The following ZNF664 variants were observed in gnomAD, a reference collection of about 807,000 sequenced individuals.
ZNF664 encodes the protein zinc finger protein 664.
Under a neutral mutation model 18.2 loss-of-function variants are expected in ZNF664, and 10 were observed. That is an observed-to-expected ratio of 0.55 (90% CI 0.34 to 0.93). The LOEUF (loss-of-function observed/expected upper bound fraction) is 0.93. ZNF664 is among the 40% of genes least tolerant of loss of function. The pLI, the probability that ZNF664 is intolerant of heterozygous loss-of-function variation, is 0.02. For synonymous variants in ZNF664, 119 were observed against 104.2 expected (o/e 1.14, Z -0.86); for missense variants, 193 against 319.0 (o/e 0.61, Z 3.01).
At chr12:123,989,369 C>T (rs777636733) in intron 3 of ZNF664, 1 of 152,390 alleles carries the variant, frequency 6.6e-6, no homozygotes, top group Admixed American at 6.5e-5. Context: ...AATGTTCTCT[C>T]TTCTCTCTCT....
chr12:124,007,434 A>G (rs1957085645), intron 3 of ZNF664, among the ~76,000 whole-genome samples: 1 of 152,200 alleles, frequency 6.6e-6, no homozygotes. Context: ...GCCAGGCAAA[A>G]GAGCAGAGCG....
intron 3 of ZNF664, among the ~76,000 whole-genome samples, chr12:124,008,502 G>A (rs1957098874): frequency 6.6e-6 from 1 of 152,208 alleles, no homozygotes; most frequent in South Asian, 2.1e-4. Context: ...TTTGAATCAG[G>A]TGTTTGATGA....
chr12:123,990,874 C>G (rs907314331), intron 3 of ZNF664, among the ~76,000 whole-genome samples: 2 of 152,154 alleles, frequency 1.3e-5, no homozygotes, highest in Admixed American at 6.5e-5. Context: ...CTAATTGTAT[C>G]CTGAGGAAAT....
At chr12:123,987,137 A>T (rs1956834674) in intron 2 of ZNF664, among the ~76,000 whole-genome samples, 1 of 152,228 alleles carries the variant, frequency 6.6e-6, no homozygotes, top group South Asian at 2.1e-4. Flanking sequence ...CATGCCTTTC[A>T]CATAATCCTT....
At position 123,979,019 on chromosome 12, in the gene ZNF664, A is replaced by G. The variant is rs146926697; in HGVS notation, c.-757+4999A>G. On this transcript the variant is annotated intron_variant, in intron 2 of 4. Transcript: ENST00000337815. ...ATTAAGGAACTAACTAAAAAAACCT[A>G]TAAAAGCATTAGAAGGAAATATAAG... Among the ~76,000 whole-genome samples the G allele has an allele frequency of 1.9e-3, 294 of 152,326 alleles. 5 individuals are homozygous for G. The South Asian group carries it at 0.024, about 12-fold the overall frequency.
chr12:124,008,523 C>T (rs1383911243), intron 3 of ZNF664, among the ~76,000 whole-genome samples: 57 of 152,292 alleles, frequency 3.7e-4, no homozygotes. Context: ...GGAGAATGCA[C>T]ATATTAGCTG....
rs1430039941 is a variant in ZNF664, at chr12:124,015,294, G to A, written c.*2364G>A. The stretch of plus-strand genomic sequence containing the variant: ...TGAATTATTTTATCATGCTGTTGCT[G>A]GGGAATATGACTAACCCTTTTGAAG... On this transcript the variant is annotated 3_prime_UTR_variant, in exon 5 of 5. Transcript: ENST00000337815. 6.0e-6 allele frequency: 1 copy of A among 167,006 alleles called. No individual in the cohort carries two copies. Among genetic ancestry groups the A allele is most frequent in the East Asian group, 1.9e-4 (1 of 5,206 alleles). 10.3% of individuals were successfully genotyped at this position (167,006 alleles called of 1,614,324 possible).
chr12:123,980,826 TG>T (rs2138331542), intron 2 of ZNF664, among the ~76,000 whole-genome samples: 1 of 152,338 alleles, frequency 6.6e-6, no homozygotes, highest in South Asian at 2.1e-4. Flanking sequence ...TAATCTTTTT[TG>T]TATTTGCCAA....
intron 2 of ZNF664, among the ~76,000 whole-genome samples, chr12:123,977,723 T>C (rs1360284468): frequency 1.3e-5 from 2 of 152,130 alleles, no homozygotes; most frequent in Non-Finnish European, 2.9e-5. Context: ...GAGACAAATA[T>C]ATTTAAACAT....
rs1272644578 is a variant in ZNF664, at chr12:123,973,272, C to T, written c.-972C>T. On this transcript the variant is annotated 5_prime_UTR_variant, in exon 1 of 5. Coordinates refer to ENST00000337815, the MANE Select transcript of ZNF664 (RefSeq NM_152437.3). The stretch of plus-strand genomic sequence containing the variant: ...AGCGCGCGCGCGCGCGGCTCGGAGG[C>T]GCACCTGTGAGGTGTCCCTGAGGAG... 7.0e-6 allele frequency: 7 copies of T among 1,005,052 alleles called. No homozygotes were observed. Among genetic ancestry groups the T allele is most frequent in the Admixed American group, 6.1e-5 (1 of 16,436 alleles). 62.3% of individuals were successfully genotyped at this position (1,005,052 alleles called of 1,614,324 possible). A position where few individuals can be genotyped will look rare whatever the true frequency, so the allele number is the denominator to read the frequency against.
At chr12:123,998,723 C>T (rs1424924062) in intron 3 of ZNF664, 1 of 152,476 alleles carries the variant, frequency 6.6e-6, no homozygotes, top group African/African-American at 2.4e-5. Context: ...CAACTGTAAA[C>T]CACAGAAATG....
chr12:124,008,712 C>A (rs1160088313), intron 3 of ZNF664, among the ~76,000 whole-genome samples: 2 of 152,182 alleles, frequency 1.3e-5, no homozygotes, highest in African/African-American at 4.8e-5. Flanking sequence ...CCATTCTCTA[C>A]AGTCATTATG....
intron 3 of ZNF664, among the ~76,000 whole-genome samples, chr12:124,000,807 G>A (rs2138417596): frequency 6.6e-6 from 1 of 152,260 alleles, no homozygotes; most frequent in Middle Eastern, 3.4e-3. Context: ...TTGGTCTCCT[G>A]TAGCTTAGTC....
At position 124,014,873 on chromosome 12, in the gene ZNF664, C is replaced by T. The variant is rs1024357793; in HGVS notation, c.*1943C>T. 6.0e-6 allele frequency: 1 copy of T among 166,814 alleles called. No homozygotes were observed. The highest frequency in any genetic ancestry group is 2.4e-5 in the African/African-American group (1 of 41,432). 10.3% of individuals were successfully genotyped at this position (166,814 alleles called of 1,614,324 possible). On this transcript the variant is annotated 3_prime_UTR_variant, in exon 5 of 5. Coordinates refer to ENST00000337815, the MANE Select transcript of ZNF664 (RefSeq NM_152437.3). ...AATTTGTCAATATCTGGATTTTAAT[C>T]CAGACATCTCTGCTAACAAGCCTTT...
At position 123,973,223 on chromosome 12, in the gene ZNF664, C is replaced by T. The variant is rs1297815463; in HGVS notation, c.-1021C>T. Reference sequence around the variant, plus strand: ...CTCGTGCGTGCGCACGCGCGCTGTCCCCCGGAGGCGTCTGGGTGTGCGGAG... The same window carrying T: ...CTCGTGCGTGCGCACGCGCGCTGTCTCCCGGAGGCGTCTGGGTGTGCGGAG... On this transcript the variant is annotated 5_prime_UTR_variant, in exon 1 of 5. Transcript: ENST00000337815. The T allele has an allele frequency of 1.0e-6, 1 of 986,066 alleles. No individual in the cohort carries two copies. Among genetic ancestry groups the T allele is most frequent in the Non-Finnish European group, 1.2e-6 (1 of 832,564 alleles). 61.1% of individuals were successfully genotyped at this position (986,066 alleles called of 1,614,324 possible).
intron 3 of ZNF664, among the ~76,000 whole-genome samples, chr12:123,988,627 T>C (rs1264193788): frequency 6.6e-6 from 1 of 152,142 alleles, no homozygotes; most frequent in Non-Finnish European, 1.5e-5. Flanking sequence ...TTTCCTTAAA[T>C]ATGAGTTCCT....
intron 2 of ZNF664, among the ~76,000 whole-genome samples, chr12:123,979,546 TAGG>T (rs1243379179): frequency 6.6e-6 from 1 of 152,210 alleles, no homozygotes. Context: ...GCTATTTTCA[TAGG>T]AGAACATACG....
At chr12:124,008,935 T>TTTAA (rs1236145391) in intron 3 of ZNF664, among the ~76,000 whole-genome samples, 1 of 152,102 alleles carries the variant, frequency 6.6e-6, no homozygotes, top group Non-Finnish European at 1.5e-5. Context: ...GGGGAGAGGA[T>TTTAA]TTAAGGGAAG....
chr12:123,980,859 A>G (rs537951592), intron 2 of ZNF664, among the ~76,000 whole-genome samples: 4 of 152,336 alleles, frequency 2.6e-5, no homozygotes, highest in East Asian at 1.9e-4. Context: ...CCTGTATTAC[A>G]TGTATGATGG....
Sources: gnomAD v4.1 joint callset for allele counts (sites outside exome capture counted in the v4.1 genomes callset) on GRCh38, gnomAD v4.1.1 for gene constraint, MANE v1.5 for transcripts, NCBI Gene and HGNC (gene_info 2026-07-23, HGNC 2026-07-21) for gene names.